EYA4: variants seen among roughly 807,000 people sequenced by gnomAD.
EYA4 encodes protein phosphatase EYA4.
Under a neutral mutation model 87.9 loss-of-function variants are expected in EYA4, and 31 were observed. The observed-to-expected ratio is 0.35, with a 90% CI of 0.27 to 0.48. The LOEUF (loss-of-function observed/expected upper bound fraction) is 0.48, where lower values mean the gene tolerates loss of function less well. Ranked by LOEUF, EYA4 falls within the 20% of genes least tolerant of loss-of-function variation. EYA4 has a pLI of 0.99. For missense variants in EYA4, 678 were observed against 761.4 expected (o/e 0.89, Z 1.29); for synonymous variants, 263 against 270.6 (o/e 0.97, Z 0.28).
At chr6:133,263,666 A>T (rs547759586) in intron 1 of EYA4, among the ~76,000 whole-genome samples, 1 of 152,360 alleles carries the variant, frequency 6.6e-6, no homozygotes, top group East Asian at 1.9e-4. Flanking sequence ...GGTATAATAC[A>T]CATGCAAGCA....
intron 1 of EYA4, among the ~76,000 whole-genome samples, chr6:133,252,468 T>C (rs1774986277): frequency 6.6e-6 from 1 of 152,218 alleles, no homozygotes; most frequent in Admixed American, 6.5e-5. Context: ...TTTTAAGTTC[T>C]CATTCTATGG....
chr6:133,497,404 T>A (rs1350847590), intron 13 of EYA4, among the ~76,000 whole-genome samples: 1 of 152,196 alleles, frequency 6.6e-6, no homozygotes, highest in Non-Finnish European at 1.5e-5. Context: ...ATCTTCCTAA[T>A]GGGTTATCAC....
At chr6:133,313,742 G>A (rs1582926683) in intron 2 of EYA4, among the ~76,000 whole-genome samples, 2 of 152,102 alleles carry the variant, frequency 1.3e-5, no homozygotes, top group East Asian at 3.9e-4. Flanking sequence ...TAATTCCCTG[G>A]CTTATTTTCC....
chr6:133,413,781 C>T (rs1789459784), intron 3 of EYA4, among the ~76,000 whole-genome samples: 1 of 152,172 alleles, frequency 6.6e-6, no homozygotes, highest in Non-Finnish European at 1.5e-5. Flanking sequence ...CTGCTGACTG[C>T]TGGATATCTC....
intron 14 of EYA4, chr6:133,510,546 C>T: frequency 4.0e-6 from 1 of 249,720 alleles, no homozygotes; most frequent in Non-Finnish European, 8.1e-6. Context: ...AAGCCCAGTC[C>T]AGCAGTTACT....
At chr6:133,501,678 T>G (rs1798126202) in intron 13 of EYA4, among the ~76,000 whole-genome samples, 2 of 152,214 alleles carry the variant, frequency 1.3e-5, no homozygotes, top group South Asian at 2.1e-4. Flanking sequence ...TATCTTTGTG[T>G]GCACATGTCT....
chr6:133,257,270 A>G (rs1330838242), intron 1 of EYA4, among the ~76,000 whole-genome samples: 1 of 152,190 alleles, frequency 6.6e-6, no homozygotes, highest in Non-Finnish European at 1.5e-5. Flanking sequence ...GAGGCCTTCA[A>G]AACTGTGCCC....
intron 3 of EYA4, among the ~76,000 whole-genome samples, chr6:133,391,222 G>GTTTTTTTTTTTTTTTTTTTT (rs531819011): frequency 2.2e-5 from 2 of 89,832 alleles, no homozygotes; most frequent in African/African-American, 3.3e-5. Flanking sequence ...TTTTGTTTTT[G>GTTTTTTTTTTTTTTTTTTTT]TTTTTTTTTT....
At chr6:133,298,307 G>T (rs6569875) in intron 2 of EYA4, among the ~76,000 whole-genome samples, 14,580 of 152,162 alleles carry the variant, frequency 0.096, 854 homozygotes, top group South Asian at 0.14. Context: ...AGATCTGGAA[G>T]CAGCCAATTT....
chr6:133,370,199 G>T (rs1262263213), intron 2 of EYA4, among the ~76,000 whole-genome samples: 1 of 152,138 alleles, frequency 6.6e-6, no homozygotes, highest in Non-Finnish European at 1.5e-5. Context: ...GAATTTATTG[G>T]CTGCTGAACT....
intron 2 of EYA4, among the ~76,000 whole-genome samples, chr6:133,307,576 G>T (rs1283482937): frequency 1.6e-4 from 24 of 152,126 alleles, no homozygotes; most frequent in Admixed American, 1.6e-3. Flanking sequence ...AGATTTGACT[G>T]GCTGTAAAGT....
chr6:133,257,036 T>A (rs1425921516), intron 1 of EYA4, among the ~76,000 whole-genome samples: 1 of 152,184 alleles, frequency 6.6e-6, no homozygotes, highest in Non-Finnish European at 1.5e-5. Context: ...TATATTACTA[T>A]GGGGAAGCTG....
At chr6:133,271,526 G>C (rs1776687385) in intron 1 of EYA4, among the ~76,000 whole-genome samples, 1 of 152,180 alleles carries the variant, frequency 6.6e-6, no homozygotes, top group Non-Finnish European at 1.5e-5. Context: ...TTCCAGTGAG[G>C]ACAAACCTCT....
At chr6:133,269,628 A>C (rs1213265006) in intron 1 of EYA4, among the ~76,000 whole-genome samples, 3 of 152,246 alleles carry the variant, frequency 2.0e-5, no homozygotes, top group Non-Finnish European at 4.4e-5. Flanking sequence ...AATATTGCAA[A>C]GCATAAAAGA....
In EYA4 at chr6:133,470,675, C is replaced by G. The variant is rs1795258300; in HGVS notation, c.970+1944C>G. Among the ~76,000 whole-genome samples the G allele has an allele frequency of 5.0e-5, 2 of 40,192 alleles. 1 individual carries two copies. Among genetic ancestry groups the G allele is most frequent in the South Asian group, 1.3e-3 (2 of 1,592 alleles). The allele number at this position is 40,192 out of a possible 152,430, so 26.4% of individuals were successfully genotyped here. ...GGATGGCATTGAATCTATAAATTAC[C>G]TTGGGCAGTATGGCCATTTTCACGA... On this transcript the variant is annotated intron_variant, in intron 11 of 19. Transcript: ENST00000355286.
intron 2 of EYA4, among the ~76,000 whole-genome samples, chr6:133,307,512 G>A (rs930969253): frequency 2.0e-5 from 3 of 152,178 alleles, no homozygotes; most frequent in African/African-American, 7.2e-5. Flanking sequence ...TACCCATTAA[G>A]TGCTATGGGC....
chr6:133,426,920 T>G (rs1338485676), intron 3 of EYA4, among the ~76,000 whole-genome samples: 1 of 152,222 alleles, frequency 6.6e-6, no homozygotes, highest in African/African-American at 2.4e-5. Flanking sequence ...CAATTTGCTA[T>G]TCAAAGCGAA....
Position 133,279,985 on chromosome 6 carries a change from A to G in EYA4, c.33+5172A>G, listed in dbSNP as rs193270965. 7.7e-4 allele frequency among the ~76,000 whole-genome samples: 117 copies of G among 152,144 alleles called. 1 individual carries two copies. The highest frequency in any genetic ancestry group is 2.3e-3 in the Admixed American group (35 of 15,292). On this transcript the variant is annotated intron_variant, in intron 2 of 19. Coordinates refer to ENST00000355286, the MANE Select transcript of EYA4 (RefSeq NM_004100.5). ...GACATTATCAAAATCCTAAAATTCTATTATTCTGTTGCTTTATTCTTGGGT... is the reference window on the plus strand; with the variant it reads ...GACATTATCAAAATCCTAAAATTCTGTTATTCTGTTGCTTTATTCTTGGGT...
intron 1 of EYA4, among the ~76,000 whole-genome samples, chr6:133,245,475 A>T (rs578191398): frequency 1.3e-5 from 2 of 152,320 alleles, no homozygotes; most frequent in South Asian, 4.1e-4. Context: ...ATCTTAAACT[A>T]ATTATATTCA....
Sources: allele counts gnomAD v4.1 joint callset (sites outside exome capture counted in the v4.1 genomes callset), GRCh38; gene constraint gnomAD v4.1.1; transcripts MANE v1.5; gene names NCBI Gene and HGNC (gene_info 2026-07-23, HGNC 2026-07-21).